DOCK8: variants seen among roughly 807,000 people sequenced by gnomAD.
DOCK8 encodes dedicator of cytokinesis protein 8.
In DOCK8, 141 loss-of-function variants were observed where a neutral mutation model predicts 245.6. The observed-to-expected ratio is 0.57, with a 90% confidence interval of 0.50 to 0.66. The LOEUF (loss-of-function observed/expected upper bound fraction) is 0.66, where lower values mean the gene tolerates loss of function less well. DOCK8 is among the 30% of genes least tolerant of loss of function. The probability of loss-of-function intolerance (pLI) is 0.00; values close to 1 mark genes in which losing one functional copy is unlikely to be tolerated. For missense variants in DOCK8, 2,965 were observed against 2,603.4 expected (o/e 1.14, Z -3.02); for synonymous variants, 1,168 against 970.2 (o/e 1.20, Z -3.79).
In DOCK8 at chr9:446,527, A is replaced by G; in HGVS notation, c.5738A>G (p.Tyr1913Cys). The change falls in exon 44 of 48, where the codon TAC becomes TGC. Residue 1913 changes from tyrosine (Y) to cysteine (C), a missense_variant. Physicochemically the swap from Tyr to Cys is radical, Grantham distance 194 (BLOSUM62 -2). This residue lies in a region of DOCK8 where 2,825 missense variants were observed against 2,453.5 expected (regional missense o/e 1.15). Coordinates refer to ENST00000432829, the MANE Select transcript of DOCK8 (RefSeq NM_203447.4). ...GRPRGELHEQYRRNTVLTTMH... is the reference protein window; with the variant it reads ...GRPRGELHEQCRRNTVLTTMH... ...CCTCGGGGAGAGCTGCATGAGCAGT[A>G]CAGAAGGAACACAGTCCTGACCACT... 6.2e-7 allele frequency: 1 copy of G among 1,614,222 alleles called. No homozygotes were observed. The highest frequency in any genetic ancestry group is 2.2e-5 in the East Asian group (1 of 44,868).
rs546175779 is a variant in DOCK8 at position 313,800 on chromosome 9, A to G, written c.741+1634A>G. ...AAGGTAAGTTGGTGAGGTGATAGAT[A>G]TGTTAATTAGCTTGATTTAATCTTT... On this transcript the variant is annotated intron_variant, in intron 6 of 47. Transcript: ENST00000432829. Among the ~76,000 whole-genome samples, 112 of 152,354 alleles carry G rather than the reference A, an allele frequency of 7.4e-4. 1 individual carries two copies. In the Middle Eastern group the frequency reaches 0.024, roughly 32 times the overall value.
rs2131298047 is a variant in DOCK8 at position 382,540 on chromosome 9, G to A, written c.2633G>A (p.Arg878Gln). The change falls in exon 22 of 48, where the codon CGG (arginine) becomes CAG (glutamine). Residue 878 changes from arginine to glutamine, a missense_variant. Arg to Gln is a conservative substitution (Grantham distance 43). Around this residue, in one of 3 missense-constraint regions of DOCK8, gnomAD observed 2,825 missense variants for 2,453.5 expected, o/e 1.15. Coordinates refer to ENST00000432829, the MANE Select transcript of DOCK8 (RefSeq NM_203447.4). ...GCTCCCACTGCCCTCCTAGACCCTCGGAGCTACCACACGTATGGCCGCACA... is the reference window on the plus strand; with the variant it reads ...GCTCCCACTGCCCTCCTAGACCCTCAGAGCTACCACACGTATGGCCGCACA... ...SGAPTALLDPRSYHTYGRTSA... is the reference protein window; with the variant it reads ...SGAPTALLDPQSYHTYGRTSA... The A allele has an allele frequency of 6.2e-6, 10 of 1,613,852 alleles. No homozygotes were observed. Among genetic ancestry groups the A allele is most frequent in the Non-Finnish European group, 6.8e-6 (8 of 1,179,896 alleles).
chr9:458,462 A>G (rs967394172), intron 46 of DOCK8: 2 of 152,206 alleles, frequency 1.3e-5, no homozygotes, highest in African/African-American at 4.8e-5. Flanking sequence ...TGAGAAAACA[A>G]CTAACGAATG....
rs1407939213 is a variant in DOCK8 at position 375,934 on chromosome 9, C to T, written c.2110-276C>T. On this transcript the variant is annotated intron_variant, in intron 18 of 47. Transcript: ENST00000432829. ...ATCATTTGAGCCCAGGAGGTCGAGG[C>T]TGCAGTGAACCGTGATTGCACCACT... Among the ~76,000 whole-genome samples the T allele has an allele frequency of 2.6e-5, 4 of 152,188 alleles. No homozygotes were observed. The East Asian group carries it at 7.7e-4, about 29-fold the overall frequency.
chr9:241,821 T>C (rs563955641), intron 1 of DOCK8, among the ~76,000 whole-genome samples: 1 of 152,352 alleles, frequency 6.6e-6, no homozygotes, highest in African/African-American at 2.4e-5. Context: ...GTAAATTTTT[T>C]TCAAATTTTT....
At chr9:386,566 C>A (rs1402486147) in intron 23 of DOCK8, 140 bp downstream of exon 23, 2 of 722,246 alleles carry the variant, frequency 2.8e-6, no homozygotes, top group Non-Finnish European at 4.8e-6. Flanking sequence ...CCCACACACA[C>A]TTTTGCAGCC....
At chr9:383,373 A>G (rs1394112153) in intron 22 of DOCK8, among the ~76,000 whole-genome samples, 2 of 152,150 alleles carry the variant, frequency 1.3e-5, no homozygotes, top group African/African-American at 4.8e-5. Context: ...TCTCTACTAA[A>G]AATACAAAAT....
At chr9:279,970 G>C (rs34173126) in intron 2 of DOCK8, among the ~76,000 whole-genome samples, 24,612 of 152,124 alleles carry the variant, frequency 0.16, 2,129 homozygotes, top group African/African-American at 0.19. Flanking sequence ...TAGATTTGTG[G>C]TTTGAGTCAG....
At chr9:247,406 G>A (rs12115552) in intron 1 of DOCK8, among the ~76,000 whole-genome samples, 1 of 151,894 alleles carries the variant, frequency 6.6e-6, no homozygotes, top group Non-Finnish European at 1.5e-5. Flanking sequence ...GGGTATTTTC[G>A]ACAGCAAATA....
At chr9:450,637 T>C (rs2057396931) in intron 45 of DOCK8, among the ~76,000 whole-genome samples, 1 of 152,056 alleles carries the variant, frequency 6.6e-6, no homozygotes, top group Non-Finnish European at 1.5e-5. Context: ...TTCAGCGTAA[T>C]TGGATTTCCC....
intron 2 of DOCK8, among the ~76,000 whole-genome samples, chr9:271,970 G>A (rs927360968): frequency 6.6e-6 from 1 of 152,094 alleles, no homozygotes; most frequent in Non-Finnish European, 1.5e-5. Context: ...AGACTAGGTG[G>A]GCTTCCAGGT....
chr9:362,396 A>G (rs2052772832), intron 14 of DOCK8, among the ~76,000 whole-genome samples: 1 of 152,190 alleles, frequency 6.6e-6, no homozygotes, highest in South Asian at 2.1e-4. Context: ...TGATTGACTC[A>G]CCATGACATC....
chr9:428,000 C>A (rs1485540886), intron 34 of DOCK8, among the ~76,000 whole-genome samples: 3 of 152,088 alleles, frequency 2.0e-5, no homozygotes. Flanking sequence ...ACCAAGCAGC[C>A]CCTGTTGTAC....
In DOCK8 at chr9:377,199, G is replaced by A. The variant is rs752978895; in HGVS notation, c.2428G>A (p.Ala810Thr). ...FQLSVQPMVI[A>T]GQTANFSQFA... Reference sequence around the variant, plus strand: ...GCTGTCCGTGCAGCCCATGGTCATCGCTGGCCAGACAGGTATGAACCTGCA... The same window carrying A: ...GCTGTCCGTGCAGCCCATGGTCATCACTGGCCAGACAGGTATGAACCTGCA... The change falls in exon 20 of 48, where the codon GCT (alanine) becomes ACT (threonine). Residue 810 changes from alanine (A) to threonine (T), a missense_variant. Physicochemically the swap from Ala to Thr is moderately conservative, Grantham distance 58. This residue lies in a region of DOCK8 where 2,825 missense variants were observed against 2,453.5 expected (regional missense o/e 1.15). Coordinates refer to ENST00000432829, the MANE Select transcript of DOCK8 (RefSeq NM_203447.4). The A allele has an allele frequency of 9.4e-6, 15 of 1,593,042 alleles. No homozygotes were observed. Among genetic ancestry groups the A allele is most frequent in the Non-Finnish European group, 1.3e-5 (15 of 1,175,472 alleles).
intron 4 of DOCK8, among the ~76,000 whole-genome samples, chr9:291,487 A>G (rs766729651): frequency 3.3e-5 from 5 of 152,140 alleles, no homozygotes; most frequent in Non-Finnish European, 5.9e-5. Context: ...TGTAACATGC[A>G]TTTTCAGTTT....
intron 2 of DOCK8, among the ~76,000 whole-genome samples, chr9:283,008 C>T (rs2048657929): frequency 6.6e-6 from 1 of 152,070 alleles, no homozygotes; most frequent in African/African-American, 2.4e-5. Context: ...ACGTGTGGGT[C>T]CTGGTAAATA....
At chr9:220,280 C>T (rs1050857985) in intron 1 of DOCK8, among the ~76,000 whole-genome samples, 2 of 152,204 alleles carry the variant, frequency 1.3e-5, no homozygotes, top group African/African-American at 4.8e-5. Flanking sequence ...AGATGCCTTA[C>T]AAAATGTATG....
chr9:434,704 G>A, intron 38 of DOCK8, 79 bp from the exon 39 acceptor site: 3 of 1,508,014 alleles, frequency 2.0e-6, no homozygotes, highest in Non-Finnish European at 2.7e-6. Flanking sequence ...GAGAAAAAAA[G>A]AAAAGGTCAC....
intron 6 of DOCK8, 81 bp from the exon 7 acceptor site, chr9:316,962 C>G: frequency 9.1e-7 from 1 of 1,100,092 alleles, no homozygotes; most frequent in Non-Finnish European, 1.4e-6. Flanking sequence ...TGGAGGGTAG[C>G]CTTCCCTTCC....
Sources: gnomAD v4.1 joint callset for allele counts (sites outside exome capture counted in the v4.1 genomes callset) on GRCh38, gnomAD v4.1.1 for gene constraint, gnomAD v4.1.1 regional missense constraint, MANE v1.5 for transcripts, NCBI Gene and HGNC (gene_info 2026-07-23, HGNC 2026-07-21) for gene names.